Variants in TIMELESS observed in about 807,000 individuals in gnomAD.
The protein encoded by TIMELESS is timeless circadian regulator.
TIMELESS carries 124 observed loss-of-function variants against 164.3 expected under a neutral mutation model. The observed-to-expected ratio is 0.75, with a 90% CI of 0.65 to 0.88. The LOEUF (loss-of-function observed/expected upper bound fraction) is 0.88, where lower values mean the gene tolerates loss of function less well. Ranked by LOEUF, TIMELESS falls within the 40% of genes least tolerant of loss-of-function variation. The pLI is 0.00. For synonymous variants in TIMELESS, 564 were observed against 563.4 expected (o/e 1.00, Z -0.02); for missense variants, 1,422 against 1,491.4 (o/e 0.95, Z 0.77).
chr12:56,427,232 C>T (rs1014684776), intron 13 of TIMELESS, among the ~76,000 whole-genome samples: 6 of 151,976 alleles, frequency 3.9e-5, no homozygotes, highest in Non-Finnish European at 7.4e-5. Context: ...AAGCAATTCT[C>T]GTGCCTCAGC....
intron 13 of TIMELESS, among the ~76,000 whole-genome samples, chr12:56,425,634 G>A (rs1420718353): frequency 6.6e-6 from 1 of 152,166 alleles, no homozygotes; most frequent in Non-Finnish European, 1.5e-5. Context: ...CAACACTTTG[G>A]GAAGCCTAGG....
At chr12:56,435,349 A>G (rs901742322) in intron 1 of TIMELESS, among the ~76,000 whole-genome samples, 4 of 151,628 alleles carry the variant, frequency 2.6e-5, no homozygotes, top group African/African-American at 7.3e-5. Context: ...CCAAAGAATC[A>G]TCTTCTTTTA....
At position 56,429,031 on chromosome 12, in the gene TIMELESS, T is replaced by C. The variant is rs1186432844; in HGVS notation, c.1156A>G (p.Met386Val). 9.3e-6 allele frequency: 15 copies of C among 1,613,938 alleles called. No homozygotes were observed. The highest frequency in any genetic ancestry group is 1.2e-5 in the Non-Finnish European group (14 of 1,180,014). Reference sequence around the variant, plus strand: ...AAGGAGGCAGCTCGGTTGAAGGCCATGAAGAAAGCCAAGGCCCACATATAA... The same window carrying C: ...AAGGAGGCAGCTCGGTTGAAGGCCACGAAGAAAGCCAAGGCCCACATATAA... Reference protein sequence around the residue: ...TYYMWALAFFMAFNRAASFRP... With the variant: ...TYYMWALAFFVAFNRAASFRP... The change falls in exon 11 of 29, where the codon ATG (methionine) becomes GTG (valine). Residue 386 changes from methionine (M) to valine (V), a missense_variant. Met to Val is a conservative substitution (Grantham distance 21, BLOSUM62 1). Transcript: ENST00000553532.
Position 56,417,777 on chromosome 12 carries a change from A to T in TIMELESS, c.3566T>A (p.Leu1189Ter), listed in dbSNP as rs768881064. The stretch of plus-strand genomic sequence containing the variant: ...CTTCTTTTGGATTCCTGGAGCTCCC[A>T]ACTCTGGTGCTGTGGGAACGATGGG... ...EDEGRNRAPE[L>*]GAPGIQKKKR... Residue 1189 changes from leucine (L) to a stop codon, truncating the protein, a stop_gained, in exon 29 of 29, where the codon TTG becomes TAG. Transcript: ENST00000553532. LOFTEE classifies it high-confidence loss of function. 1.2e-6 allele frequency: 2 copies of T among 1,614,156 alleles called. No homozygotes were observed. Among genetic ancestry groups the T allele is most frequent in the Non-Finnish European group, 1.7e-6 (2 of 1,180,038 alleles).
rs534452905 is a variant in TIMELESS at position 56,422,941 on chromosome 12, C to A, written c.2344G>T (p.Ala782Ser). ...YILGKFFALA[A>S]VNQKAFVELL... ...TCCACAAAGGCTTTTTGGTTGACTG[C>A]AGCCAGTGCAAAAAATTTGCCCAGG... Residue 782 changes from alanine (A) to serine (S), a missense_variant, in exon 19 of 29, where the codon GCA (alanine) becomes TCA (serine). Ala to Ser is a moderately conservative substitution (Grantham distance 99, BLOSUM62 1). Transcript: ENST00000553532. 1.1e-5 allele frequency: 18 copies of A among 1,613,932 alleles called. No individual in the cohort carries two copies. The African/African-American group carries it at 2.3e-4, about 20-fold the overall frequency.
chr12:56,423,963 A>T lies in TIMELESS; in HGVS notation c.1869-69T>A, dbSNP rs1881592755. ...GCTTTAAATTTATAATTCGAAGTAG[A>T]AGAAGGAATTTAGACTTATTTCTTT... On this transcript the variant is annotated intron_variant, in intron 15 of 28. Transcript: ENST00000553532. The T allele has an allele frequency of 2.2e-6, 3 of 1,378,726 alleles. No homozygotes were observed. In the Admixed American group the frequency reaches 5.4e-5, roughly 25 times the overall value. The allele number at this position is 1,378,726 out of a possible 1,614,324, so 85.4% of individuals were successfully genotyped here. A position where few individuals can be genotyped will look rare whatever the true frequency, so the allele number is the denominator to read the frequency against.
Position 56,434,182 on chromosome 12 carries a change from C to T in TIMELESS, c.-12G>A. ...ATGTGCAAGTCCATACATCAGTGGA[C>T]CAACCAACAGAGAAGGAAGTGGAGA... On this transcript the variant is annotated 5_prime_UTR_variant, in exon 2 of 29. Coordinates refer to ENST00000553532, the MANE Select transcript of TIMELESS (RefSeq NM_003920.5). 1.2e-6 allele frequency: 2 copies of T among 1,603,314 alleles called. No homozygotes were observed. The highest frequency in any genetic ancestry group is 1.7e-6 in the Non-Finnish European group (2 of 1,170,270).
Position 56,429,063 on chromosome 12 carries a change from T to C in TIMELESS, c.1124A>G (p.Glu375Gly), listed in dbSNP as rs778396658. ...LLREKAQQHD[E>G]TYYMWALAFF... Reference sequence around the variant, plus strand: ...AGCCAAGGCCCACATATAATAGGTCTCATCATGCTGCTGAGCTTTCTCCCG... The same window carrying C: ...AGCCAAGGCCCACATATAATAGGTCCCATCATGCTGCTGAGCTTTCTCCCG... The change falls in exon 11 of 29, where the codon GAG (glutamate) becomes GGG (glycine). Residue 375 changes from glutamate (E) to glycine (G), a missense_variant. Transcript: ENST00000553532. 1.9e-6 allele frequency: 3 copies of C among 1,613,980 alleles called. No individual in the cohort carries two copies. Among genetic ancestry groups the C allele is most frequent in the East Asian group, 4.5e-5 (2 of 44,880 alleles).
Position 56,418,264 on chromosome 12 carries a change from C to A in TIMELESS, c.3324G>T (p.Gln1108His), listed in dbSNP as rs1397456462. Reference sequence around the variant, plus strand: ...CAGGGACTTTAGGCTGCAGCTCTGGCTGCAGCTTCTGTTCCTCCTCTGGTT... The same window carrying A: ...CAGGGACTTTAGGCTGCAGCTCTGGATGCAGCTTCTGTTCCTCCTCTGGTT... ...LSQPEEEQKLQPELQPKVPGE... is the reference protein window; with the variant it reads ...LSQPEEEQKLHPELQPKVPGE... Residue 1108 changes from glutamine (Q) to histidine (H), a missense_variant, in exon 27 of 29, where the codon CAG becomes CAT. Physicochemically the swap from Gln to His is conservative, Grantham distance 24 (BLOSUM62 0). Transcript: ENST00000553532. 1 of 1,614,078 alleles carries A rather than the reference C, an allele frequency of 6.2e-7. No homozygotes were observed. Among genetic ancestry groups the A allele is most frequent in the African/African-American group, 1.3e-5 (1 of 74,930 alleles).
Position 56,417,204 on chromosome 12 carries a change from T to C in TIMELESS, c.*512A>G, listed in dbSNP as rs1218107538. 6.2e-6 allele frequency: 1 copy of C among 161,994 alleles called. No individual in the cohort carries two copies. Among genetic ancestry groups the C allele is most frequent in the Non-Finnish European group, 1.4e-5 (1 of 73,194 alleles). The allele number at this position is 161,994 out of a possible 1,614,324, so 10.0% of individuals were successfully genotyped here. A position where few individuals can be genotyped will look rare whatever the true frequency, so the allele number is the denominator to read the frequency against. On this transcript the variant is annotated 3_prime_UTR_variant, in exon 29 of 29. Coordinates refer to ENST00000553532, the MANE Select transcript of TIMELESS (RefSeq NM_003920.5). ...TCTAGAGTACTATATTCCAACCCTA[T>C]CTCAAATGCAGGAATGGGCCTCTAT...
chr12:56,434,788 A>C (rs1882015566), intron 1 of TIMELESS, among the ~76,000 whole-genome samples: 1 of 152,154 alleles, frequency 6.6e-6, no homozygotes, highest in Non-Finnish European at 1.5e-5. Flanking sequence ...ACAGTGGCTC[A>C]TGCCTATAAT....
chr12:56,445,742 A>T (rs1434087577), intron 1 of TIMELESS, among the ~76,000 whole-genome samples: 3 of 152,010 alleles, frequency 2.0e-5, no homozygotes, highest in Non-Finnish European at 2.9e-5. Flanking sequence ...AAAAAAAAAA[A>T]AAGAAACCTA....
rs748209376 is a variant in TIMELESS, at chr12:56,430,197, G to A, written c.994C>T (p.Arg332Cys). The change falls in exon 10 of 29, where the codon CGC becomes TGC. Residue 332 changes from arginine (R) to cysteine (C), a missense_variant. Physicochemically the swap from Arg to Cys is radical, Grantham distance 180. Transcript: ENST00000553532. ...RQAARELSIQ[R>C]RSALNVRLFL... The stretch of plus-strand genomic sequence containing the variant: ...AGCCTCACATTGAGGGCAGAACGGC[G>A]CTGAATGGACAGCTCTCGGGCGGCC... 21 of 1,613,966 alleles carry A rather than the reference G, an allele frequency of 1.3e-5. No individual in the cohort carries two copies. Among genetic ancestry groups the A allele is most frequent in the South Asian group, 6.6e-5 (6 of 91,082 alleles).
chr12:56,420,897 A>G lies in TIMELESS; in HGVS notation c.3041-16T>C. On this transcript the variant is annotated splice_polypyrimidine_tract_variant and intron_variant, in intron 24 of 28. Coordinates refer to ENST00000553532, the MANE Select transcript of TIMELESS (RefSeq NM_003920.5). Reference sequence around the variant, plus strand: ...ATAGAAAAGCCTAAGGAAATGAGGGAAACTTACATTTGACCCTACTCCCAA... The same window carrying G: ...ATAGAAAAGCCTAAGGAAATGAGGGGAACTTACATTTGACCCTACTCCCAA... The G allele has an allele frequency of 1.2e-6, 2 of 1,614,112 alleles. No individual in the cohort carries two copies. The highest frequency in any genetic ancestry group is 1.1e-5 in the South Asian group (1 of 91,070).
In TIMELESS at chr12:56,421,331, A is replaced by G. The variant is rs1397902504; in HGVS notation, c.2868+20T>C. ...AAGGGAAGTGAGCCCATGCCAGCAG[A>G]GCTAGGGTCAGATTGTTACCAAGAT... On this transcript the variant is annotated intron_variant, in intron 23 of 28. Coordinates refer to ENST00000553532, the MANE Select transcript of TIMELESS (RefSeq NM_003920.5). 3.1e-6 allele frequency: 5 copies of G among 1,610,632 alleles called. No homozygotes were observed. Among genetic ancestry groups the G allele is most frequent in the Non-Finnish European group, 3.4e-6 (4 of 1,178,254 alleles).
At position 56,424,761 on chromosome 12, in the gene TIMELESS, C is replaced by T. The variant is rs750709527; in HGVS notation, c.1868+1G>A. The T allele has an allele frequency of 6.2e-7, 1 of 1,613,392 alleles. No homozygotes were observed. Among genetic ancestry groups the T allele is most frequent in the South Asian group, 1.1e-5 (1 of 91,042 alleles). On this transcript the variant is annotated splice_donor_variant, in intron 15 of 28. Transcript: ENST00000553532. LOFTEE classifies it high-confidence loss of function. ...AGAGGATGAGCAGGCAGGGTTCTTACCGAGCAGACCTCAGGAGAGTCAGGG... is the reference window on the plus strand; with the variant it reads ...AGAGGATGAGCAGGCAGGGTTCTTATCGAGCAGACCTCAGGAGAGTCAGGG...
In TIMELESS at chr12:56,424,838, C is replaced by T. The variant is rs954981937; in HGVS notation, c.1792G>A (p.Glu598Lys). 57 of 1,614,092 alleles carry T rather than the reference C, an allele frequency of 3.5e-5. No individual in the cohort carries two copies. The highest frequency in any genetic ancestry group is 4.7e-5 in the Non-Finnish European group (56 of 1,180,040). Residue 598 changes from glutamate to lysine, a missense_variant, in exon 15 of 29, where the codon GAA becomes AAA. Transcript: ENST00000553532. ...CAGTCTTGGATCCGTACCATAGCTT[C>T]TGCCCGCTGCTCCTCCACTGGCACC... ...SEVPVEEQRA[E>K]AMVRIQDCLL... is the part of the protein sequence containing the mutation.
intron 5 of TIMELESS, 111 bp downstream of exon 5, chr12:56,433,270 C>T (rs1260812178): frequency 3.9e-5 from 54 of 1,398,140 alleles, no homozygotes; most frequent in East Asian, 2.7e-4. Flanking sequence ...GACTATGGAT[C>T]GGACTACCAC....
intron 26 of TIMELESS, among the ~76,000 whole-genome samples, chr12:56,419,120 T>C (rs1306645920): frequency 1.3e-5 from 2 of 151,522 alleles, no homozygotes; most frequent in East Asian, 1.9e-4. Flanking sequence ...GCCTCCCAAG[T>C]AGGTGGGACT....
Sources: gnomAD v4.1 joint callset for allele counts (sites outside exome capture counted in the v4.1 genomes callset) on GRCh38, gnomAD v4.1.1 for gene constraint, MANE v1.5 for transcripts, NCBI Gene and HGNC (gene_info 2026-07-23, HGNC 2026-07-21) for gene names.